The following WDR64 variants were observed in gnomAD, a reference collection of about 807,000 sequenced individuals.
WDR64 encodes WD repeat-containing protein 64.
Under a neutral mutation model 139.3 loss-of-function variants are expected in WDR64, and 112 were observed. The observed-to-expected ratio is 0.80, with a 90% CI of 0.69 to 0.94. The LOEUF (loss-of-function observed/expected upper bound fraction) is 0.94. Among genes scored for constraint, WDR64 ranks in the 40% least tolerant of loss-of-function variants. The pLI is 0.00. For synonymous variants in WDR64, 444 were observed against 437.7 expected, an observed-to-expected ratio of 1.01 and a Z score of -0.18; for missense variants, 1,206 against 1,293.1, an observed-to-expected ratio of 0.93 and a Z score of 1.03.
intron 21 of WDR64, among the ~76,000 whole-genome samples, chr1:241,778,268 A>T (rs12118060): frequency 6.6e-6 from 1 of 152,002 alleles, no homozygotes. Flanking sequence ...TTTATCCCTG[A>T]TAAGTTTTAT....
chr1:241,723,061 T>C lies in WDR64; in HGVS notation c.1055-236T>C, dbSNP rs1668666734. Among the ~76,000 whole-genome samples the C allele has an allele frequency of 2.0e-5, 3 of 152,214 alleles. No homozygotes were observed. The South Asian group carries it at 6.2e-4, about 32-fold the overall frequency. ...AAGAAAAGAACTCATAAAATATTTA[T>C]GAGAATTCACATTTGTGTATGTAAA... On this transcript the variant is annotated intron_variant, in intron 9 of 27. Coordinates refer to ENST00000437684, the MANE Select transcript of WDR64 (RefSeq NM_001367482.1).
intron 25 of WDR64, 56 bp from the exon 26 acceptor site, chr1:241,795,151 T>C: frequency 6.6e-7 from 1 of 1,507,852 alleles, no homozygotes; most frequent in East Asian, 2.3e-5. Flanking sequence ...ACCCAGGTAT[T>C]TTACCAGTGA....
At chr1:241,790,556 TG>T in intron 24 of WDR64, 34 bp from the exon 25 acceptor site, 2 of 1,504,148 alleles carry the variant, frequency 1.3e-6, no homozygotes, top group Non-Finnish European at 1.8e-6. Flanking sequence ...ATAAAAGGTA[TG>T]GGTATGTACT....
chr1:241,700,775 A>G (rs1356877010), intron 8 of WDR64, among the ~76,000 whole-genome samples: 1 of 152,228 alleles, frequency 6.6e-6, no homozygotes, highest in African/African-American at 2.4e-5. Flanking sequence ...GTGATGGTCA[A>G]ATAAGCTGAG....
At chr1:241,753,979 G>C in intron 14 of WDR64, among the ~76,000 whole-genome samples, 1 of 152,126 alleles carries the variant, frequency 6.6e-6, no homozygotes, top group Non-Finnish European at 1.5e-5. Flanking sequence ...CACAGACCGT[G>C]AAAAGACCAT....
chr1:241,801,989 AAAGAT>A lies in WDR64; in HGVS notation c.*777_*781del, dbSNP rs1321678215. On this transcript the variant is annotated 3_prime_UTR_variant, in exon 28 of 28. Transcript: ENST00000437684. ...TAACATACAAGGACACCAAACTCTT[AAAGAT>A]AAAAGAATGAAAAAAGATGTATGAT... is the stretch of plus-strand genomic sequence containing the variant. The A allele has an allele frequency of 2.5e-6, 1 of 397,880 alleles. No individual in the cohort carries two copies. The highest frequency in any genetic ancestry group is 2.1e-5 in the African/African-American group (1 of 48,608). 24.6% of individuals were successfully genotyped at this position (397,880 alleles called of 1,614,324 possible). A position where few individuals can be genotyped will look rare whatever the true frequency, so the allele number is the denominator to read the frequency against.
intron 8 of WDR64, among the ~76,000 whole-genome samples, chr1:241,687,895 A>T (rs908034628): frequency 6.6e-6 from 1 of 152,188 alleles, no homozygotes; most frequent in African/African-American, 2.4e-5. Flanking sequence ...CTGTTGGTAA[A>T]ATTTTATAAT....
At chr1:241,714,680 G>T (rs1668332333) in intron 9 of WDR64, among the ~76,000 whole-genome samples, 2 of 152,142 alleles carry the variant, frequency 1.3e-5, no homozygotes, top group East Asian at 3.9e-4. Context: ...ACTGAAATTA[G>T]CTTATGGTTC....
chr1:241,681,288 A>C (rs1248305523), intron 6 of WDR64, among the ~76,000 whole-genome samples: 1 of 152,030 alleles, frequency 6.6e-6, no homozygotes, highest in African/African-American at 2.4e-5. Flanking sequence ...CCTTTTCCCC[A>C]GAGTCCCCAA....
At chr1:241,699,464 T>C (rs1225886145) in intron 8 of WDR64, among the ~76,000 whole-genome samples, 1 of 152,198 alleles carries the variant, frequency 6.6e-6, no homozygotes, top group African/African-American at 2.4e-5. Context: ...CGACCTCATA[T>C]GTAATGAAGG....
Position 241,801,313 on chromosome 1 carries a change from T to C in WDR64, c.*98T>C, listed in dbSNP as rs754738722. The C allele has an allele frequency of 8.5e-6, 9 of 1,056,272 alleles. No individual in the cohort carries two copies. The highest frequency in any genetic ancestry group is 3.2e-5 in the African/African-American group (2 of 63,468). 65.4% of individuals were successfully genotyped at this position (1,056,272 alleles called of 1,614,324 possible). On this transcript the variant is annotated 3_prime_UTR_variant, in exon 28 of 28. Coordinates refer to ENST00000437684, the MANE Select transcript of WDR64 (RefSeq NM_001367482.1). ...ATGAGAGGGAGAAACCACCAGACAC[T>C]ATCAGTCATCTCTGGTGTCAGGCCA... is the stretch of plus-strand genomic sequence containing the variant.
intron 9 of WDR64, 41 bp downstream of exon 9, chr1:241,711,922 G>C (rs1225255394): frequency 6.3e-7 from 1 of 1,591,732 alleles, no homozygotes. Context: ...TTTCTACTTT[G>C]CAAACATCGT....
At chr1:241,757,610 T>G in intron 15 of WDR64, 151 bp downstream of exon 15, 1 of 555,572 alleles carries the variant, frequency 1.8e-6, no homozygotes, top group South Asian at 3.7e-5. Context: ...ACTTACTCCT[T>G]ATTTCCACCT....
chr1:241,711,828 G>C lies in WDR64; in HGVS notation c.1001G>C (p.Arg334Thr). The change falls in exon 9 of 28, where the codon AGA (arginine) becomes ACA (threonine). Residue 334 changes from arginine (R) to threonine (T), a missense_variant. Transcript: ENST00000437684. ...NLPVREFSMP[R>T]GANTFCYCVK... Reference sequence around the variant, plus strand: ...CCTGTCAGAGAGTTTTCCATGCCAAGAGGAGCCAACACTTTTTGCTACTGT... The same window carrying C: ...CCTGTCAGAGAGTTTTCCATGCCAACAGGAGCCAACACTTTTTGCTACTGT... The C allele has an allele frequency of 1.2e-6, 2 of 1,614,082 alleles. No individual in the cohort carries two copies. Among genetic ancestry groups the C allele is most frequent in the Non-Finnish European group, 1.7e-6 (2 of 1,180,018 alleles).
intron 8 of WDR64, among the ~76,000 whole-genome samples, chr1:241,695,534 G>C (rs1558476627): frequency 6.6e-6 from 1 of 152,152 alleles, no homozygotes; most frequent in Admixed American, 6.5e-5. Flanking sequence ...AAGATCAGTT[G>C]AATGGTTTAG....
intron 2 of WDR64, among the ~76,000 whole-genome samples, chr1:241,665,162 G>C (rs10926530): frequency 0.03 from 4,622 of 152,134 alleles, 177 homozygotes; most frequent in African/African-American, 0.073. Context: ...AAAAACTCAT[G>C]GCCAGCTTCT....
chr1:241,696,364 T>C (rs563260466), intron 8 of WDR64, among the ~76,000 whole-genome samples: 122 of 152,098 alleles, frequency 8.0e-4, no homozygotes, highest in African/African-American at 2.9e-3. Flanking sequence ...CCAAAAAAGG[T>C]TCTTGGACCT....
intron 6 of WDR64, 110 bp downstream of exon 6, chr1:241,679,705 G>A (rs1258276786): frequency 1.1e-6 from 1 of 894,584 alleles, no homozygotes; most frequent in Non-Finnish European, 1.7e-6. Context: ...TCTATAAAAT[G>A]AGAGGATTTA....
At chr1:241,738,991 G>A (rs1462206620) in intron 11 of WDR64, among the ~76,000 whole-genome samples, 9 of 152,262 alleles carry the variant, frequency 5.9e-5, no homozygotes, top group Non-Finnish European at 1.2e-4. Context: ...CCAGCGTACC[G>A]AGTCAATGCC....
Sources: allele counts gnomAD v4.1 joint callset (sites outside exome capture counted in the v4.1 genomes callset), GRCh38; gene constraint gnomAD v4.1.1; transcripts MANE v1.5; gene names NCBI Gene and HGNC (gene_info 2026-07-23, HGNC 2026-07-21).